The following MYOM1 variants were observed in gnomAD, a reference collection of about 807,000 sequenced individuals.
MYOM1 encodes the protein myomesin-1.
A neutral mutation model predicts 205.3 loss-of-function variants in MYOM1; 164 were observed. The observed-to-expected ratio is 0.80, with a 90% CI of 0.70 to 0.91. The LOEUF (loss-of-function observed/expected upper bound fraction) is 0.91. Among genes scored for constraint, MYOM1 ranks in the 40% least tolerant of loss-of-function variants. MYOM1 has a pLI of 0.00. For synonymous variants in MYOM1, 772 were observed against 789.4 expected (o/e 0.98, Z 0.37); for missense variants, 2,011 against 2,127.3 (o/e 0.95, Z 1.08).
the MYOM1 span, among the ~76,000 whole-genome samples, chr18:3,245,598 C>A: frequency 6.6e-6 from 1 of 152,100 alleles, no homozygotes; most frequent in South Asian, 2.1e-4. Context: ...GTTGACTAAC[C>A]GTTTTTAAAT....
At chr18:3,155,204 A>AAAGATTTG in intron 10 of MYOM1, 116 bp from the exon 11 acceptor site, 3 of 1,052,362 alleles carry the variant, frequency 2.9e-6, no homozygotes, top group Non-Finnish European at 3.9e-6. Flanking sequence ...CTTTGGCCCC[A>AAAGATTTG]ACGCAGCAAG....
chr18:3,074,954 C>T lies in MYOM1; in HGVS notation c.4708+500G>A, dbSNP rs560263987. On this transcript the variant is annotated intron_variant, in intron 36 of 37. Coordinates refer to ENST00000356443, the MANE Select transcript of MYOM1 (RefSeq NM_003803.4). ...GATTACAGGCACCCGCCACTACACCCGGCTAATTTTTGTATTTTTTAGTAG... is the reference window on the plus strand; with the variant it reads ...GATTACAGGCACCCGCCACTACACCTGGCTAATTTTTGTATTTTTTAGTAG... 3.9e-5 allele frequency among the ~76,000 whole-genome samples: 6 copies of T among 152,148 alleles called. No homozygotes were observed. In the East Asian group the frequency reaches 7.7e-4, roughly 20 times the overall value.
chr18:3,075,074 C>T (rs995499195), intron 36 of MYOM1, among the ~76,000 whole-genome samples: 2 of 152,284 alleles, frequency 1.3e-5, no homozygotes, highest in Admixed American at 1.3e-4. Flanking sequence ...GGATTGCAGG[C>T]GTGAGCCACC....
the MYOM1 span, among the ~76,000 whole-genome samples, chr18:3,237,456 G>A: frequency 1.2e-3 from 186 of 151,814 alleles, 4 homozygotes; most frequent in South Asian, 0.028. Flanking sequence ...AAAATTAGCC[G>A]GGCGTGGTGG....
chr18:3,148,715 G>T (rs984665097), intron 13 of MYOM1, among the ~76,000 whole-genome samples: 2 of 150,966 alleles, frequency 1.3e-5, no homozygotes, highest in Non-Finnish European at 3.0e-5. Context: ...GCGTAGTGGC[G>T]GGCGCCTGTA....
At position 3,131,428 on chromosome 18, in the gene MYOM1, C is replaced by T; in HGVS notation, c.2453G>A (p.Gly818Glu). Residue 818 changes from glycine (G) to glutamate (E), a missense_variant, in exon 17 of 38, where the codon GGA becomes GAA. Coordinates refer to ENST00000356443, the MANE Select transcript of MYOM1 (RefSeq NM_003803.4). ...TGAATCCTGGGAATATTCACTAAGT[C>T]CAGCTGCATTGACTGCTCTGACCCG... ...IFRVRAVNAA[G>E]LSEYSQDSEA... 1 of 1,613,840 alleles carries T rather than the reference C, an allele frequency of 6.2e-7. No individual in the cohort carries two copies. Among genetic ancestry groups the T allele is most frequent in the Non-Finnish European group, 8.5e-7 (1 of 1,179,824 alleles).
rs1248690158 is a variant in MYOM1 at position 3,195,159 on chromosome 18, G to A, written c.291-1201C>T. On this transcript the variant is annotated intron_variant, in intron 2 of 37. Transcript: ENST00000356443. ...TGGTACAAAATGGATATATGACGAT[G>A]CGAGAAAACAAGTAGCACAGGACTT... Among the ~76,000 whole-genome samples the A allele has an allele frequency of 3.3e-5, 5 of 152,308 alleles. No homozygotes were observed. In the East Asian group the frequency reaches 9.6e-4, roughly 29 times the overall value.
rs1567926378 is a variant in MYOM1 at position 3,135,764 on chromosome 18, C to G, written c.2026-34G>C. The G allele has an allele frequency of 6.2e-6, 10 of 1,610,214 alleles. No homozygotes were observed. The highest frequency in any genetic ancestry group is 6.8e-6 in the Non-Finnish European group (8 of 1,177,582). ...AGAACAGGGAAACCCATTGAAAGCA[C>G]AGCAAACACAAGCGAGAATCCAGGC... On this transcript the variant is annotated intron_variant, in intron 14 of 37. Coordinates refer to ENST00000356443, the MANE Select transcript of MYOM1 (RefSeq NM_003803.4). The surrounding 1 kb of genome is among the most constrained non-coding windows in gnomAD (Gnocchi z 4.1).
upstream of MYOM1, among the ~76,000 whole-genome samples, chr18:3,220,330 C>G (rs1021219359): frequency 6.6e-6 from 1 of 152,160 alleles, no homozygotes; most frequent in Non-Finnish European, 1.5e-5. Flanking sequence ...AACACACGTA[C>G]GGTACATTTA....
At chr18:3,084,134 T>C in intron 31 of MYOM1, 107 bp from the exon 32 acceptor site, 1 of 1,208,282 alleles carries the variant, frequency 8.3e-7, no homozygotes, top group Non-Finnish European at 1.2e-6. Context: ...TGAAAGGAAA[T>C]GGAAACAAGG....
At position 3,159,983 on chromosome 18, in the gene MYOM1, CCT is replaced by C. The variant is rs1410480178; in HGVS notation, c.1501+4293_1501+4294del. Among the ~76,000 whole-genome samples, 6 of 140,432 alleles carry C rather than the reference CCT, an allele frequency of 4.3e-5. No individual in the cohort carries two copies. The East Asian group carries it at 1.3e-3, about 31-fold the overall frequency. 92.1% of individuals were successfully genotyped at this position (140,432 alleles called of 152,430 possible). On this transcript the variant is annotated intron_variant, in intron 10 of 37. Transcript: ENST00000356443. ...CCTGCCTGCCTTCCTTCTCTCTCTC[CCT>C]CTCTTATTCTCTTTTCTTCTTCTCC...
intron 2 of MYOM1, among the ~76,000 whole-genome samples, chr18:3,202,044 T>G (rs1286192421): frequency 6.6e-6 from 1 of 152,136 alleles, no homozygotes; most frequent in African/African-American, 2.4e-5. Flanking sequence ...TTGACAACAG[T>G]GCAAAGGAGG....
chr18:3,191,845 G>A (rs890593241), intron 3 of MYOM1, among the ~76,000 whole-genome samples: 21 of 151,810 alleles, frequency 1.4e-4, no homozygotes, highest in South Asian at 2.1e-4. Context: ...ACAGGTGCCC[G>A]CCACCACGCC....
At chr18:3,119,819 C>T (rs1302489307) in intron 20 of MYOM1, 50 bp downstream of exon 20, 2 of 1,560,662 alleles carry the variant, frequency 1.3e-6, no homozygotes, top group African/African-American at 1.4e-5. Flanking sequence ...TGTAGGTTCT[C>T]TTGGAGGAAA....
chr18:3,154,969 T>C lies in MYOM1; in HGVS notation c.1621A>G (p.Ile541Val). ...AACTTATCAATAAAATATCCGAGAATAGGACTCCCTCCATCGACAGCTGGC... is the reference window on the plus strand; with the variant it reads ...AACTTATCAATAAAATATCCGAGAACAGGACTCCCTCCATCGACAGCTGGC... ...KQPAVDGGSP[I>V]LGYFIDKCEV... is the part of the protein sequence containing the mutation. The change falls in exon 11 of 38, where the codon ATT (isoleucine) becomes GTT (valine). Residue 541 changes from isoleucine (I) to valine (V), a missense_variant. Transcript: ENST00000356443. 1 of 1,612,366 alleles carries C rather than the reference T, an allele frequency of 6.2e-7. No homozygotes were observed. Among genetic ancestry groups the C allele is most frequent in the Non-Finnish European group, 8.5e-7 (1 of 1,179,188 alleles).
At chr18:3,232,743 T>C in the MYOM1 span, among the ~76,000 whole-genome samples, 2 of 152,222 alleles carry the variant, frequency 1.3e-5, no homozygotes, top group Non-Finnish European at 2.9e-5. Context: ...TCACCTGCAG[T>C]TGTGATATAT....
rs139666359 is a variant in MYOM1, at chr18:3,091,054, G to A, written c.3865-252C>T. 4.3e-4 allele frequency among the ~76,000 whole-genome samples: 66 copies of A among 152,156 alleles called. No individual in the cohort carries two copies. The East Asian group carries it at 0.011, about 24-fold the overall frequency. On this transcript the variant is annotated intron_variant, in intron 26 of 37. Transcript: ENST00000356443. ...AAATAGGCTAGGCACAGTGGCTCAC[G>A]CCTGTAATCCCAGCACTTTGGGAGG...
rs774833040 is a variant in MYOM1, at chr18:3,215,205, G to C, written c.19C>G (p.Gln7Glu). 2 of 1,611,552 alleles carry C rather than the reference G, an allele frequency of 1.2e-6. No homozygotes were observed. ...AGATCATAGTGCTGGTGGCACCTCTGATAAAAAGGCAAAGACATCCTGTGC... is the reference window on the plus strand; with the variant it reads ...AGATCATAGTGCTGGTGGCACCTCTCATAAAAAGGCAAAGACATCCTGTGC... Reference protein sequence around the residue: MSLPFYQRCHQHYDLSY... With the variant: MSLPFYERCHQHYDLSY... Residue 7 changes from glutamine (Q) to glutamate (E), a missense_variant, in exon 2 of 38, where the codon CAG becomes GAG. Physicochemically the swap from Gln to Glu is conservative, Grantham distance 29. Transcript: ENST00000356443.
intron 5 of MYOM1, among the ~76,000 whole-genome samples, chr18:3,186,024 C>T (rs145459859): frequency 0.014 from 2,062 of 152,090 alleles, 48 homozygotes; most frequent in African/African-American, 0.047. Flanking sequence ...GGCAAAACCC[C>T]GTCTCTACTG....
Sources: gnomAD v4.1 joint callset for allele counts (sites outside exome capture counted in the v4.1 genomes callset) on GRCh38, gnomAD v4.1.1 for gene constraint, Gnocchi (gnomAD v3.1) non-coding constraint, MANE v1.5 for transcripts, NCBI Gene and HGNC (gene_info 2026-07-23, HGNC 2026-07-21) for gene names.